CYS1: variants seen among roughly 807,000 people sequenced by gnomAD.
The protein encoded by CYS1 is cystin-1.
In CYS1, 5 loss-of-function variants were observed where a neutral mutation model predicts 9.6. The ratio of observed to expected loss-of-function variants is 0.52; its 90% CI spans 0.27 to 1.10. The LOEUF (loss-of-function observed/expected upper bound fraction) is 1.10, where lower values mean the gene tolerates loss of function less well. Ranked by LOEUF, CYS1 falls within the 50% of genes least tolerant of loss-of-function variation. The pLI is 0.11. For missense variants in CYS1, 221 were observed against 207.9 expected, an observed-to-expected ratio of 1.06 and a Z score of -0.39; for synonymous variants, 88 against 95.7, an observed-to-expected ratio of 0.92 and a Z score of 0.47.
At position 10,057,337 on chromosome 2, in the gene CYS1, A is replaced by G. The variant is rs1167348078; in HGVS notation, c.*1516T>C. ...GGGGCCGCTCCAAGCTCTGACTTCA[A>G]AAGTTGGAGTTTCCCAGCTGCGAAC... On this transcript the variant is annotated 3_prime_UTR_variant, in exon 3 of 3. Coordinates refer to ENST00000381813, the MANE Select transcript of CYS1 (RefSeq NM_001037160.3). 3.9e-5 allele frequency: 6 copies of G among 152,260 alleles called. No homozygotes were observed. The highest frequency in any genetic ancestry group is 1.4e-4 in the African/African-American group (6 of 41,472). 9.4% of individuals were successfully genotyped at this position (152,260 alleles called of 1,614,324 possible).
intron 1 of CYS1, among the ~76,000 whole-genome samples, chr2:10,073,222 C>A (rs1018303190): frequency 4.9e-5 from 6 of 122,590 alleles, no homozygotes; most frequent in South Asian, 2.8e-4. Context: ...CCCCCCCCCC[C>A]CCCGGCTGTG....
rs1233864983 is a variant in CYS1 at position 10,056,920 on chromosome 2, C to T, written c.*1933G>A. On this transcript the variant is annotated 3_prime_UTR_variant, in exon 3 of 3. Transcript: ENST00000381813. ...AATTCAGGAAAAATTTTTTTAAAAA[C>T]CTGAGAACAATTCCTGTGACTTCTT... 1 of 152,226 alleles carries T rather than the reference C, an allele frequency of 6.6e-6. No homozygotes were observed. The highest frequency in any genetic ancestry group is 1.5e-5 in the Non-Finnish European group (1 of 68,050). 9.4% of individuals were successfully genotyped at this position (152,226 alleles called of 1,614,324 possible).
At chr2:10,074,065 A>T (rs1572460530) in intron 1 of CYS1, among the ~76,000 whole-genome samples, 1 of 152,188 alleles carries the variant, frequency 6.6e-6, no homozygotes, top group South Asian at 2.1e-4. Flanking sequence ...TCAGTTTTTG[A>T]TGTTCATGTT....
Position 10,076,428 on chromosome 2 carries a change from T to G in CYS1, c.318+3478A>C, listed in dbSNP as rs371480257. ...CAAGAGCTGACTGCACCGCCCTCCT[T>G]GTGTCCTATTCTCCATGAACTCCAG... On this transcript the variant is annotated intron_variant, in intron 1 of 2. Transcript: ENST00000381813. The surrounding 1 kb of genome is among the most constrained non-coding windows in gnomAD (Gnocchi z 4.3). 1.3e-4 allele frequency among the ~76,000 whole-genome samples: 20 copies of G among 152,178 alleles called. No homozygotes were observed. Among genetic ancestry groups the G allele is most frequent in the African/African-American group, 4.3e-4 (18 of 41,522 alleles).
Position 10,076,539 on chromosome 2 carries a change from T to C in CYS1, c.318+3367A>G, listed in dbSNP as rs1370026730. Among the ~76,000 whole-genome samples the C allele has an allele frequency of 2.0e-5, 3 of 152,150 alleles. No homozygotes were observed. The highest frequency in any genetic ancestry group is 7.2e-5 in the African/African-American group (3 of 41,428). ...AGTGGCTCAATTCAACCACCAGCTC[T>C]CAGGCTTCCCGCATATATCCCACCA... On this transcript the variant is annotated intron_variant, in intron 1 of 2. Coordinates refer to ENST00000381813, the MANE Select transcript of CYS1 (RefSeq NM_001037160.3). The surrounding 1 kb of genome is among the most constrained non-coding windows in gnomAD (Gnocchi z 4.3).
chr2:10,074,072 T>C (rs535445262), intron 1 of CYS1, among the ~76,000 whole-genome samples: 1 of 152,320 alleles, frequency 6.6e-6, no homozygotes, highest in East Asian at 1.9e-4. Flanking sequence ...TTGATGTTCA[T>C]GTTCCAGGCT....
chr2:10,067,823 T>G (rs911107436), intron 1 of CYS1, among the ~76,000 whole-genome samples: 3 of 152,218 alleles, frequency 2.0e-5, no homozygotes, highest in Non-Finnish European at 4.4e-5. Flanking sequence ...CTGGGAATAA[T>G]GGCCATTTGA....
chr2:10,066,246 C>T (rs1002135815), intron 1 of CYS1, among the ~76,000 whole-genome samples: 4 of 152,134 alleles, frequency 2.6e-5, no homozygotes, highest in East Asian at 1.9e-4. Context: ...TTGTCTCTCA[C>T]CCCCAGGGGT....
chr2:10,069,049 G>A (rs537787480), intron 1 of CYS1, among the ~76,000 whole-genome samples: 73 of 151,824 alleles, frequency 4.8e-4, no homozygotes, highest in East Asian at 7.8e-4. Flanking sequence ...GTGACAGAGC[G>A]AGGCTCTGTC....
Position 10,059,953 on chromosome 2 carries a change from C to T in CYS1, c.372-995G>A, listed in dbSNP as rs151164094. Reference sequence around the variant, plus strand: ...GCTGGCTTGTCCTGCTCTCCCAGACCTTCTGGACTTTGTGTGGACACCTGG... The same window carrying T: ...GCTGGCTTGTCCTGCTCTCCCAGACTTTCTGGACTTTGTGTGGACACCTGG... On this transcript the variant is annotated intron_variant, in intron 2 of 2. Transcript: ENST00000381813. Among the ~76,000 whole-genome samples the T allele has an allele frequency of 1.1e-3, 161 of 152,394 alleles. 2 individuals are homozygous for T. The East Asian group carries it at 0.028, about 27-fold the overall frequency.
At chr2:10,070,314 C>T (rs1277180977) in intron 1 of CYS1, among the ~76,000 whole-genome samples, 1 of 152,184 alleles carries the variant, frequency 6.6e-6, no homozygotes, top group African/African-American at 2.4e-5. Flanking sequence ...TCGCTGCGGT[C>T]CCCGTGCTGA....
Position 10,080,066 on chromosome 2 carries a change from G to C in CYS1, c.158C>G (p.Ala53Gly). 1.9e-6 allele frequency: 2 copies of C among 1,037,320 alleles called. No homozygotes were observed. Among genetic ancestry groups the C allele is most frequent in the Non-Finnish European group, 1.2e-6 (1 of 865,348 alleles). 64.3% of individuals were successfully genotyped at this position (1,037,320 alleles called of 1,614,324 possible). A position where few individuals can be genotyped will look rare whatever the true frequency, so the allele number is the denominator to read the frequency against. ...CACGGGGCTGGGGTCGCGGCCGGGCGCCTCCTCCGCGGCTGCCCCCGGGAC... is the reference window on the plus strand; with the variant it reads ...CACGGGGCTGGGGTCGCGGCCGGGCCCCTCCTCCGCGGCTGCCCCCGGGAC... ...AEVPGAAAEE[A>G]PGRDPSPVAP... Residue 53 changes from alanine (A) to glycine (G), a missense_variant, in exon 1 of 3, where the codon GCG becomes GGG. By Grantham distance (60) the Ala-to-Gly change is moderately conservative (BLOSUM62 0). Coordinates refer to ENST00000381813, the MANE Select transcript of CYS1 (RefSeq NM_001037160.3). The surrounding 1 kb of genome is among the most constrained non-coding windows in gnomAD (Gnocchi z 6.4).
intron 1 of CYS1, among the ~76,000 whole-genome samples, chr2:10,078,225 G>A (rs1022789470): frequency 3.3e-5 from 5 of 151,964 alleles, no homozygotes; most frequent in Non-Finnish European, 5.9e-5. Context: ...GCCTCTCACC[G>A]CCACTGCCTT....
chr2:10,058,128 CT>C lies in CYS1; in HGVS notation c.*724del, dbSNP rs1314217807. On this transcript the variant is annotated 3_prime_UTR_variant, in exon 3 of 3. Coordinates refer to ENST00000381813, the MANE Select transcript of CYS1 (RefSeq NM_001037160.3). ...TGGCAGCAGTTCCAGATTGTCAGAG[CT>C]GGGGAGGGCCTCCAAGAGCTGCCAG... is the stretch of plus-strand genomic sequence containing the variant. 6.6e-6 allele frequency: 1 copy of C among 152,378 alleles called. No individual in the cohort carries two copies. Among genetic ancestry groups the C allele is most frequent in the Non-Finnish European group, 1.5e-5 (1 of 68,182 alleles). The allele number at this position is 152,378 out of a possible 1,614,324, so 9.4% of individuals were successfully genotyped here. A position where few individuals can be genotyped will look rare whatever the true frequency, so the allele number is the denominator to read the frequency against.
chr2:10,067,212 T>TCTAACTCCATGGAGA (rs1661709742), intron 1 of CYS1, among the ~76,000 whole-genome samples: 1 of 151,916 alleles, frequency 6.6e-6, no homozygotes, highest in Admixed American at 6.6e-5. Flanking sequence ...GATGGAGTTT[T>TCTAACTCCATGGAGA]CCCATGTTGG....
At chr2:10,071,570 T>C (rs561910604) in intron 1 of CYS1, among the ~76,000 whole-genome samples, 25 of 152,382 alleles carry the variant, frequency 1.6e-4, no homozygotes, top group Admixed American at 1.3e-3. Context: ...CACCTGTGTT[T>C]TTCTCTGTGC....
intron 2 of CYS1, among the ~76,000 whole-genome samples, chr2:10,064,881 C>T (rs1243476603): frequency 6.6e-6 from 1 of 150,630 alleles, no homozygotes; most frequent in Non-Finnish European, 1.5e-5. Flanking sequence ...CTGTGCCCGG[C>T]TAATTTTTGT....
rs1236582626 is a variant in CYS1, at chr2:10,080,267, G to A, written c.-44C>T. On this transcript the variant is annotated 5_prime_UTR_variant, in exon 1 of 3. Transcript: ENST00000381813. The surrounding 1 kb of genome is among the most constrained non-coding windows in gnomAD (Gnocchi z 6.4). ...CGGACCGCCGAGGGGGCCCCCATGA[G>A]GGGGCGCGGCCGGGGGCGGGGACGC... is the stretch of plus-strand genomic sequence containing the variant. 5.9e-6 allele frequency: 6 copies of A among 1,021,590 alleles called. No homozygotes were observed. Among genetic ancestry groups the A allele is most frequent in the Non-Finnish European group, 7.0e-6 (6 of 854,744 alleles). The allele number at this position is 1,021,590 out of a possible 1,614,324, so 63.3% of individuals were successfully genotyped here. A position where few individuals can be genotyped will look rare whatever the true frequency, so the allele number is the denominator to read the frequency against.
Position 10,079,628 on chromosome 2 carries a change from C to T in CYS1, c.318+278G>A, listed in dbSNP as rs80323318. The stretch of plus-strand genomic sequence containing the variant: ...GGAAGGCCAGGCGGGGCCGCGGGCC[C>T]GAGGGGAGCCGGGAGCCCGGCGCGC... On this transcript the variant is annotated intron_variant, in intron 1 of 2. Transcript: ENST00000381813. Among the ~76,000 whole-genome samples, 16 of 151,826 alleles carry T rather than the reference C, an allele frequency of 1.1e-4. No individual in the cohort carries two copies. The East Asian group carries it at 3.1e-3, about 30-fold the overall frequency.
Sources: gnomAD v4.1 joint callset for allele counts (sites outside exome capture counted in the v4.1 genomes callset) on GRCh38, gnomAD v4.1.1 for gene constraint, Gnocchi (gnomAD v3.1) non-coding constraint, MANE v1.5 for transcripts, NCBI Gene and HGNC (gene_info 2026-07-23, HGNC 2026-07-21) for gene names.